HPSE: variants seen among roughly 807,000 people sequenced by gnomAD.
HPSE encodes the protein heparanase, also known as endo-glucoronidase.
HPSE carries 48 observed loss-of-function variants against 65.1 expected under a neutral mutation model. The ratio of observed to expected loss-of-function variants is 0.74; its 90% CI spans 0.58 to 0.94. The LOEUF is 0.94. Ranked by LOEUF, HPSE falls within the 40% of genes least tolerant of loss-of-function variation. The probability of loss-of-function intolerance (pLI) is 0.00; values close to 1 mark genes in which losing one functional copy is unlikely to be tolerated. For synonymous variants in HPSE, 243 were observed against 260.0 expected, an observed-to-expected ratio of 0.93 and a Z score of 0.63; for missense variants, 644 against 637.5, an observed-to-expected ratio of 1.01 and a Z score of -0.11.
At chr4:83,310,006 T>C in intron 6 of HPSE, 25 bp downstream of exon 6, 5 of 1,541,088 alleles carry the variant, frequency 3.2e-6, no homozygotes, top group African/African-American at 1.4e-5. Flanking sequence ...ACTTTCCTAG[T>C]ATTAAGAATA....
In HPSE at chr4:83,306,300, C is replaced by T. The variant is rs138882001; in HGVS notation, c.1109G>A (p.Gly370Asp). The T allele has an allele frequency of 1.4e-3, 2,251 of 1,610,798 alleles. 3 individuals are homozygous for T. The highest frequency in any genetic ancestry group is 1.8e-3 in the Non-Finnish European group (2,060 of 1,176,960). ...TTCTATTCCCATTCGGGCTGACAGG[C>T]CCAATTTATCCAGCCACCTGGGACA... is the stretch of plus-strand genomic sequence containing the variant. The part of the protein sequence containing the change: ...AAGFMWLDKL[G>D]LSARMGIEVV... Residue 370 changes from glycine (G) to aspartate (D), a missense_variant, in exon 9 of 12, where the codon GGC (glycine) becomes GAC (aspartate). Physicochemically the swap from Gly to Asp is moderately conservative, Grantham distance 94 (BLOSUM62 -1). Transcript: ENST00000311412.
chr4:83,333,264 C>T (rs79654997), intron 1 of HPSE, among the ~76,000 whole-genome samples: 2,647 of 152,264 alleles, frequency 0.017, 84 homozygotes, highest in African/African-American at 0.061. Flanking sequence ...ATCAAATCCT[C>T]GGGCAATAAT....
chr4:83,315,627 C>T (rs1736597782), intron 3 of HPSE, among the ~76,000 whole-genome samples: 2 of 152,122 alleles, frequency 1.3e-5, no homozygotes, highest in Admixed American at 6.6e-5. Context: ...CCAGGCACAA[C>T]TCTCCCACTT....
Position 83,334,771 on chromosome 4 carries a change from G to A in HPSE, c.12C>T (p.Arg4=). ...GCGGCGGCGGCAGCGCAGGCTTCGA[G>A]CGCAGCAGCATCTTGGGCTCACCTG... MLL[R]SKPALPPPLM... The change falls in exon 1 of 12, where the codon CGC becomes CGT. Residue 4 remains arginine, a synonymous_variant. Transcript: ENST00000311412. The A allele has an allele frequency of 6.5e-7, 1 of 1,546,596 alleles. No individual in the cohort carries two copies. Among genetic ancestry groups the A allele is most frequent in the East Asian group, 2.4e-5 (1 of 40,950 alleles).
At chr4:83,313,462 A>C (rs1736503633) in intron 3 of HPSE, among the ~76,000 whole-genome samples, 175 bp from the exon 4 acceptor site, 1 of 152,194 alleles carries the variant, frequency 6.6e-6, no homozygotes, top group African/African-American at 2.4e-5. Context: ...AAAAAAAATC[A>C]ATCTGACTTC....
At chr4:83,329,193 C>T (rs1188150145) in intron 1 of HPSE, among the ~76,000 whole-genome samples, 1 of 152,122 alleles carries the variant, frequency 6.6e-6, no homozygotes, top group East Asian at 1.9e-4. Flanking sequence ...CCACTCCCTC[C>T]TCCCGCAAGA....
At chr4:83,311,865 T>C (rs1352841942) in intron 4 of HPSE, among the ~76,000 whole-genome samples, 1 of 152,110 alleles carries the variant, frequency 6.6e-6, no homozygotes, top group Non-Finnish European at 1.5e-5. Context: ...CATTTAATCC[T>C]TATTTCCATT....
At chr4:83,311,840 C>T (rs957567625) in intron 4 of HPSE, among the ~76,000 whole-genome samples, 7 of 148,918 alleles carry the variant, frequency 4.7e-5, no homozygotes, top group Admixed American at 2.7e-4. Context: ...TATCCTATTA[C>T]TACATTTCAT....
chr4:83,333,724 C>T (rs1333177226), intron 1 of HPSE, among the ~76,000 whole-genome samples: 1 of 151,978 alleles, frequency 6.6e-6, no homozygotes, highest in Non-Finnish European at 1.5e-5. Context: ...ATTTTGCAGC[C>T]CCATTTTGGA....
intron 3 of HPSE, 39 bp from the exon 4 acceptor site, chr4:83,313,326 A>G (rs1560509900): frequency 6.8e-7 from 1 of 1,461,870 alleles, no homozygotes; most frequent in Admixed American, 2.0e-5. Context: ...TTAGATTGGC[A>G]CCACAATGAA....
At chr4:83,331,061 A>G (rs1047303554) in intron 1 of HPSE, among the ~76,000 whole-genome samples, 12 of 152,202 alleles carry the variant, frequency 7.9e-5, no homozygotes, top group Middle Eastern at 3.4e-3. Context: ...ACAATTAGCC[A>G]GGCGTGGTGG....
chr4:83,299,828 C>G (rs1363722852), intron 11 of HPSE, among the ~76,000 whole-genome samples: 2 of 152,182 alleles, frequency 1.3e-5, no homozygotes, highest in East Asian at 3.9e-4. Flanking sequence ...CCTCAGCTTC[C>G]CAAGTAGCTG....
At position 83,306,240 on chromosome 4, in the gene HPSE, T is replaced by A; in HGVS notation, c.1169A>T (p.Asn390Ile). 1.2e-6 allele frequency: 2 copies of A among 1,613,348 alleles called. No individual in the cohort carries two copies. Among genetic ancestry groups the A allele is most frequent in the South Asian group, 2.2e-5 (2 of 91,064 alleles). ...VMRQVFFGAG[N>I]YHLVDENFDP... is the part of the protein sequence containing the mutation. ...GAAGTTTTCATCCACTAAATGGTAG[T>A]TTCCTGCTCCAAAGAATACTTGCCT... The change falls in exon 9 of 12, where the codon AAC (asparagine) becomes ATC (isoleucine). Residue 390 changes from asparagine (N) to isoleucine (I), a missense_variant. Transcript: ENST00000311412.
At chr4:83,299,714 A>T (rs1476901109) in intron 11 of HPSE, among the ~76,000 whole-genome samples, 1 of 151,530 alleles carries the variant, frequency 6.6e-6, no homozygotes. Flanking sequence ...TTATTTATTT[A>T]TTTTTTTGAG....
chr4:83,328,706 G>T (rs1037335915), intron 1 of HPSE, among the ~76,000 whole-genome samples: 1 of 151,732 alleles, frequency 6.6e-6, no homozygotes, highest in Non-Finnish European at 1.5e-5. Context: ...AAACGGGGTG[G>T]TTTCTGCAGA....
Position 83,313,108 on chromosome 4 carries a change from A to G in HPSE, c.673+6T>C. 1.3e-6 allele frequency: 2 copies of G among 1,583,072 alleles called. No individual in the cohort carries two copies. The stretch of plus-strand genomic sequence containing the variant: ...TTATTAATGAATTGTTCCCTGGGGT[A>G]CTCACCATTGCCTAGTTCCCAAGAA... On this transcript the variant is annotated splice_donor_region_variant and intron_variant, in intron 4 of 11. Transcript: ENST00000311412.
chr4:83,332,739 C>G (rs546917544), intron 1 of HPSE, among the ~76,000 whole-genome samples: 11 of 152,312 alleles, frequency 7.2e-5, no homozygotes, highest in Non-Finnish European at 2.9e-5. Flanking sequence ...GGTGATCAGG[C>G]CCAGATCCTG....
rs1036806103 is a variant in HPSE, at chr4:83,326,046, C to T, written c.228-3682G>A. On this transcript the variant is annotated intron_variant, in intron 1 of 11. Transcript: ENST00000311412. The surrounding 1 kb of genome is among the most constrained non-coding windows in gnomAD (Gnocchi z 4.2). Reference sequence around the variant, plus strand: ...GAGTGCCAACTTTATATGAGGGCAACGGTGAGCCATGGAAGGATCTGAAGC... The same window carrying T: ...GAGTGCCAACTTTATATGAGGGCAATGGTGAGCCATGGAAGGATCTGAAGC... Among the ~76,000 whole-genome samples the T allele has an allele frequency of 3.9e-5, 6 of 152,006 alleles. No individual in the cohort carries two copies. The highest frequency in any genetic ancestry group is 7.2e-5 in the African/African-American group (3 of 41,404).
At chr4:83,309,001 G>A in intron 7 of HPSE, 50 bp from the exon 8 acceptor site, 1 of 1,442,482 alleles carries the variant, frequency 6.9e-7, no homozygotes. Context: ...CTGACCTGTG[G>A]TTTCAACTGT....
Sources: gnomAD v4.1 joint callset for allele counts (sites outside exome capture counted in the v4.1 genomes callset) on GRCh38, gnomAD v4.1.1 for gene constraint, Gnocchi (gnomAD v3.1) non-coding constraint, MANE v1.5 for transcripts, NCBI Gene and HGNC (gene_info 2026-07-23, HGNC 2026-07-21) for gene names.